PXDN: variants seen among roughly 807,000 people sequenced by gnomAD.
PXDN encodes peroxidasin.
A neutral mutation model predicts 140.3 loss-of-function variants in PXDN; 77 were observed. That is an observed-to-expected ratio of 0.55 (90% confidence interval 0.46 to 0.66). PXDN has a LOEUF of 0.66. Ranked by LOEUF, PXDN falls within the 30% of genes least tolerant of loss-of-function variation. PXDN has a pLI of 0.00. For missense variants in PXDN, 1,838 were observed against 2,039.5 expected (o/e 0.90, Z 1.90); for synonymous variants, 911 against 857.4 (o/e 1.06, Z -1.09).
At chr2:1,722,893 A>C (rs190763647) in intron 1 of PXDN, among the ~76,000 whole-genome samples, 49 of 152,358 alleles carry the variant, frequency 3.2e-4, no homozygotes, top group Non-Finnish European at 5.1e-4. Context: ...GGGACACTTC[A>C]CAGTGATTCC....
At chr2:1,670,014 T>C (rs1683537398) in intron 9 of PXDN, among the ~76,000 whole-genome samples, 1 of 152,216 alleles carries the variant, frequency 6.6e-6, no homozygotes. Context: ...ATAGTCTTTA[T>C]GCTACTTTCT....
chr2:1,744,148 C>T, intron 1 of PXDN, 108 bp downstream of exon 1: 2 of 1,152,038 alleles, frequency 1.7e-6, no homozygotes, highest in Non-Finnish European at 2.2e-6. Flanking sequence ...CCCCGCGCGC[C>T]CGATGCCCCC....
At chr2:1,709,469 G>A (rs1183661935) in intron 1 of PXDN, among the ~76,000 whole-genome samples, 1 of 151,642 alleles carries the variant, frequency 6.6e-6, no homozygotes, top group East Asian at 1.9e-4. Flanking sequence ...GGGTGCAGCG[G>A]GGCTGGGGTG....
rs2125473014 is a variant in PXDN, at chr2:1,714,141, T to A, written c.201-21007A>T. 6.6e-6 allele frequency among the ~76,000 whole-genome samples: 1 copy of A among 152,328 alleles called. No homozygotes were observed. Among genetic ancestry groups the A allele is most frequent in the Middle Eastern group, 3.4e-3 (1 of 294 alleles). ...GGTGACTTCCCCGCCACAACACCCATCCACATCCAGGATACTGTTTTTTTC... is the reference window on the plus strand; with the variant it reads ...GGTGACTTCCCCGCCACAACACCCAACCACATCCAGGATACTGTTTTTTTC... On this transcript the variant is annotated intron_variant, in intron 1 of 22. Transcript: ENST00000252804. This position sits in a 1 kb window ranked among gnomAD's most constrained non-coding sequence, Gnocchi z 4.3.
intron 8 of PXDN, 44 bp from the exon 9 acceptor site, chr2:1,673,856 A>G (rs752298262): frequency 6.2e-7 from 1 of 1,600,916 alleles, no homozygotes; most frequent in Non-Finnish European, 8.6e-7. Flanking sequence ...TGAAAGCACA[A>G]AGACGTACCT....
At chr2:1,680,510 G>T in intron 6 of PXDN, 148 bp from the exon 7 acceptor site, 1 of 978,794 alleles carries the variant, frequency 1.0e-6, no homozygotes. Context: ...TCTCGTGGTG[G>T]AATCTGAGCC....
intron 1 of PXDN, among the ~76,000 whole-genome samples, chr2:1,709,085 T>C (rs537136093): frequency 6.6e-6 from 1 of 152,316 alleles, no homozygotes; most frequent in East Asian, 1.9e-4. Context: ...GTCTGGTCCC[T>C]GCGCCCTGGC....
At position 1,660,532 on chromosome 2, in the gene PXDN, G is replaced by C. The variant is rs913901442; in HGVS notation, c.1837+349C>G. On this transcript the variant is annotated intron_variant, in intron 14 of 22. Transcript: ENST00000252804. This position sits in a 1 kb window ranked among gnomAD's most constrained non-coding sequence, Gnocchi z 4.6. The stretch of plus-strand genomic sequence containing the variant: ...TTCAAGCAACCATATTTGCCAAATT[G>C]TAACTGTAAATTACACCTGGTCATT... Among the ~76,000 whole-genome samples, 1 of 152,228 alleles carries C rather than the reference G, an allele frequency of 6.6e-6. No homozygotes were observed. Among genetic ancestry groups the C allele is most frequent in the Non-Finnish European group, 1.5e-5 (1 of 68,044 alleles).
At chr2:1,637,250 C>A (rs1408082867) in intron 21 of PXDN, among the ~76,000 whole-genome samples, 1 of 152,200 alleles carries the variant, frequency 6.6e-6, no homozygotes, top group African/African-American at 2.4e-5. Flanking sequence ...GGCCCCAGCA[C>A]GGACCCCAAG....
At chr2:1,680,801 C>T (rs992168636) in intron 6 of PXDN, among the ~76,000 whole-genome samples, 4 of 152,202 alleles carry the variant, frequency 2.6e-5, no homozygotes, top group Admixed American at 1.3e-4. Context: ...TCATCACGGG[C>T]AGGACAGTTC....
At chr2:1,659,178 T>C (rs969885497) in intron 14 of PXDN, among the ~76,000 whole-genome samples, 3 of 152,220 alleles carry the variant, frequency 2.0e-5, no homozygotes, top group African/African-American at 7.2e-5. Context: ...GGACTATGGA[T>C]GGACATCTCC....
At chr2:1,665,601 G>A (rs980743812) in intron 10 of PXDN, among the ~76,000 whole-genome samples, 1 of 152,220 alleles carries the variant, frequency 6.6e-6, no homozygotes, top group African/African-American at 2.4e-5. Context: ...GCAGATTCTC[G>A]ACAGATTGCC....
At chr2:1,658,004 T>A (rs536446224) in intron 14 of PXDN, among the ~76,000 whole-genome samples, 2 of 131,512 alleles carry the variant, frequency 1.5e-5, no homozygotes, top group African/African-American at 2.9e-5. Context: ...CTCTTCCTCC[T>A]GAGCACTCCA....
chr2:1,658,026 G>GGCTCTC (rs1558494182), intron 14 of PXDN, among the ~76,000 whole-genome samples: 1 of 83,604 alleles, frequency 1.2e-5, no homozygotes, highest in Non-Finnish European at 2.2e-5. Flanking sequence ...TTCAGCTGTG[G>GGCTCTC]GCTCTCTCTC....
chr2:1,726,479 A>G (rs1052436631), intron 1 of PXDN, among the ~76,000 whole-genome samples: 2 of 151,506 alleles, frequency 1.3e-5, no homozygotes, highest in Non-Finnish European at 1.5e-5. Context: ...ACCTAATGCT[A>G]AATGACGAGT....
intron 10 of PXDN, among the ~76,000 whole-genome samples, 167 bp from the exon 11 acceptor site, chr2:1,665,241 C>A (rs546394063): frequency 6.6e-6 from 1 of 152,078 alleles, no homozygotes; most frequent in Non-Finnish European, 1.5e-5. Context: ...GGGAGCAGAA[C>A]GGAAAGAAGA....
At chr2:1,713,823 C>T (rs576289633) in intron 1 of PXDN, among the ~76,000 whole-genome samples, 2 of 152,348 alleles carry the variant, frequency 1.3e-5, no homozygotes, top group Non-Finnish European at 1.5e-5. Flanking sequence ...TGCATCTCCC[C>T]GTAAGTGTCC....
intron 1 of PXDN, among the ~76,000 whole-genome samples, chr2:1,720,032 AGG>A (rs1171572587): frequency 3.4e-5 from 1 of 29,850 alleles, no homozygotes. Context: ...AGAGAGAGAG[AGG>A]GAGGGATGCA....
chr2:1,708,227 C>T (rs1034393057), intron 1 of PXDN, among the ~76,000 whole-genome samples: 1 of 152,220 alleles, frequency 6.6e-6, no homozygotes, highest in Non-Finnish European at 1.5e-5. Flanking sequence ...ACCCTCTGTC[C>T]CTGCCATTGT....
Sources: gnomAD v4.1 joint callset for allele counts (sites outside exome capture counted in the v4.1 genomes callset) on GRCh38, gnomAD v4.1.1 for gene constraint, Gnocchi (gnomAD v3.1) non-coding constraint, MANE v1.5 for transcripts, NCBI Gene and HGNC (gene_info 2026-07-23, HGNC 2026-07-21) for gene names.